The following TACC2 variants were observed in gnomAD, a reference collection of about 807,000 sequenced individuals.
TACC2 encodes the protein transforming acidic coiled-coil containing protein 2.
TACC2 carries 137 observed loss-of-function variants against 227.3 expected under a neutral mutation model. The ratio of observed to expected loss-of-function variants is 0.60; its 90% confidence interval spans 0.52 to 0.69. The LOEUF (loss-of-function observed/expected upper bound fraction) is 0.69. TACC2 is among the 30% of genes least tolerant of loss of function. TACC2 has a pLI of 0.00. For missense variants in TACC2, 3,470 were observed against 3,694.4 expected, an observed-to-expected ratio of 0.94 and a Z score of 1.57; for synonymous variants, 1,523 against 1,487.5, an observed-to-expected ratio of 1.02 and a Z score of -0.55.
intron 14 of TACC2, 106 bp downstream of exon 14, chr10:122,228,114 G>C (rs2095663053): frequency 1.6e-6 from 2 of 1,228,414 alleles, no homozygotes; most frequent in Non-Finnish European, 2.3e-6. Flanking sequence ...CCTGGCACCT[G>C]CCATGGGTCC....
At chr10:122,046,106 C>T (rs572486871) in intron 2 of TACC2, among the ~76,000 whole-genome samples, 3 of 151,648 alleles carry the variant, frequency 2.0e-5, no homozygotes, top group East Asian at 1.9e-4. Flanking sequence ...ACCCGGGAAG[C>T]GGAGGTTGCA....
chr10:122,060,293 G>C (rs2461233), intron 3 of TACC2, among the ~76,000 whole-genome samples: 88,500 of 151,992 alleles, frequency 0.58, 26,460 homozygotes, highest in Non-Finnish European at 0.65. Context: ...TCAAAGAAGG[G>C]GCCCAGGTAG....
At chr10:122,102,166 T>C (rs1382444174) in intron 5 of TACC2, among the ~76,000 whole-genome samples, 7 of 152,104 alleles carry the variant, frequency 4.6e-5, no homozygotes, top group African/African-American at 1.4e-4. Flanking sequence ...CTTCTCAACA[T>C]TGGCTGCACA....
intron 1 of TACC2, among the ~76,000 whole-genome samples, chr10:122,019,257 G>C (rs1957053772): frequency 6.6e-6 from 1 of 152,204 alleles, no homozygotes; most frequent in African/African-American, 2.4e-5. Context: ...CCACGCCTGG[G>C]TAAGTACATT....
At chr10:122,252,517 GTCTGTC>G (rs2096272289) in intron 22 of TACC2, among the ~76,000 whole-genome samples, 1 of 150,092 alleles carries the variant, frequency 6.7e-6, no homozygotes, top group Non-Finnish European at 1.5e-5. Flanking sequence ...TTGAGATGAA[GTCTGTC>G]TCTGTTGCCC....
intron 7 of TACC2, among the ~76,000 whole-genome samples, chr10:122,183,161 C>T (rs370464953): frequency 6.6e-6 from 1 of 151,670 alleles, no homozygotes; most frequent in East Asian, 1.9e-4. Flanking sequence ...GCCAAGATTG[C>T]GCCACTGCAC....
At chr10:122,238,082 C>G (rs916547054) in intron 18 of TACC2, 45 bp downstream of exon 18, 1 of 1,512,518 alleles carries the variant, frequency 6.6e-7, no homozygotes. Context: ...GGGATACTTA[C>G]CTGTGGTTTA....
chr10:122,080,295 T>A (rs1478514194), intron 3 of TACC2, among the ~76,000 whole-genome samples: 1 of 150,916 alleles, frequency 6.6e-6, no homozygotes, highest in African/African-American at 2.4e-5. Flanking sequence ...TGCAGTGACA[T>A]GTTCTCAGCT....
chr10:122,094,274 T>G (rs912860039), intron 5 of TACC2, among the ~76,000 whole-genome samples: 6 of 152,136 alleles, frequency 3.9e-5, no homozygotes, highest in Admixed American at 6.5e-5. Context: ...AAGCTTCAAG[T>G]ATCTTTATTT....
intron 1 of TACC2, among the ~76,000 whole-genome samples, chr10:122,012,207 G>T (rs2135354685): frequency 6.6e-6 from 1 of 152,048 alleles, no homozygotes; most frequent in South Asian, 2.1e-4. Context: ...GGATCATGAG[G>T]TCAGGAGATT....
chr10:122,128,721 C>A (rs1033445665), intron 5 of TACC2, among the ~76,000 whole-genome samples: 3 of 152,134 alleles, frequency 2.0e-5, no homozygotes, highest in Non-Finnish European at 2.9e-5. Context: ...ATTTTACTTA[C>A]AAAAGTAGTA....
chr10:122,121,406 A>T (rs536588643), intron 5 of TACC2, among the ~76,000 whole-genome samples: 23 of 152,212 alleles, frequency 1.5e-4, no homozygotes, highest in African/African-American at 5.3e-4. Flanking sequence ...CTCCGAGAGG[A>T]TCTTTTTCAA....
intron 2 of TACC2, among the ~76,000 whole-genome samples, chr10:122,036,349 C>T (rs978616714): frequency 2.6e-5 from 4 of 151,842 alleles, no homozygotes; most frequent in Admixed American, 6.6e-5. Context: ...CCTGCCACCA[C>T]GCCCGGCTAA....
Position 122,073,982 on chromosome 10 carries a change from A to G in TACC2, c.147-8665A>G, listed in dbSNP as rs34820383. Among the ~76,000 whole-genome samples the G allele has an allele frequency of 6.5e-3, 983 of 151,430 alleles. 7 individuals are homozygous for G. The highest frequency in any genetic ancestry group is 0.01 in the Non-Finnish European group (692 of 67,936). On this transcript the variant is annotated intron_variant, in intron 3 of 22. Coordinates refer to ENST00000369005, the MANE Select transcript of TACC2 (RefSeq NM_206862.4). ...TGTTTTATAGAGACAGGGTTTCACC[A>G]TGTTAGCCAGGATGGTCTGGATCTC...
intron 5 of TACC2, among the ~76,000 whole-genome samples, chr10:122,117,874 A>G (rs2084991640): frequency 6.6e-6 from 1 of 152,126 alleles, no homozygotes; most frequent in Non-Finnish European, 1.5e-5. Flanking sequence ...ATGGCCATCA[A>G]TAGGATCTTT....
At chr10:122,125,813 G>T (rs1015677067) in intron 5 of TACC2, among the ~76,000 whole-genome samples, 24 of 134,032 alleles carry the variant, frequency 1.8e-4, no homozygotes, top group Non-Finnish European at 3.7e-4. Context: ...GTCTGGCTCT[G>T]TTGTCCAGGC....
chr10:122,158,474 G>A (rs948076128), intron 7 of TACC2, among the ~76,000 whole-genome samples: 7 of 152,094 alleles, frequency 4.6e-5, no homozygotes, highest in Non-Finnish European at 7.4e-5. Context: ...TCTTTTCTAG[G>A]ACATTTGGGT....
chr10:122,206,676 C>T (rs769362002), intron 8 of TACC2, among the ~76,000 whole-genome samples: 6 of 152,212 alleles, frequency 3.9e-5, no homozygotes, highest in Non-Finnish European at 7.3e-5. Flanking sequence ...AACTGGGATA[C>T]CCTAGTGACC....
intron 1 of TACC2, among the ~76,000 whole-genome samples, chr10:122,020,986 CTT>C (rs1957263060): frequency 1.3e-5 from 2 of 152,148 alleles, no homozygotes. Flanking sequence ...AATCCCAGCA[CTT>C]TGGGAGGCCA....
Sources: gnomAD v4.1 joint callset for allele counts (sites outside exome capture counted in the v4.1 genomes callset) on GRCh38, gnomAD v4.1.1 for gene constraint, MANE v1.5 for transcripts, NCBI Gene and HGNC (gene_info 2026-07-23, HGNC 2026-07-21) for gene names.